The following FBXO25 variants were observed in gnomAD, a reference collection of about 807,000 sequenced individuals.
FBXO25 encodes the protein F-box only protein 25.
In FBXO25, 45 loss-of-function variants were observed where a neutral mutation model predicts 51.9. That is an observed-to-expected ratio of 0.87 (90% CI 0.68 to 1.11). The LOEUF (loss-of-function observed/expected upper bound fraction) is 1.11. FBXO25 is among the 50% of genes most tolerant of loss of function. The pLI is 0.00. For synonymous variants in FBXO25, 199 were observed against 151.0 expected (o/e 1.32, Z -2.33); for missense variants, 507 against 428.5 (o/e 1.18, Z -1.62).
chr8:451,031 A>G (rs1287327426), intron 6 of FBXO25: 1 of 386,412 alleles, frequency 2.6e-6, no homozygotes, highest in Non-Finnish European at 4.6e-6. Flanking sequence ...GGAGATATAT[A>G]TTTGTCCTTT....
intron 9 of FBXO25, among the ~76,000 whole-genome samples, chr8:465,090 CAGT>C (rs759381520): frequency 2.4e-4 from 37 of 152,236 alleles, no homozygotes; most frequent in Middle Eastern, 3.4e-3. Context: ...GAGTTGTCTG[CAGT>C]AGAAGCCACA....
chr8:451,547 T>G (rs1280828291), intron 7 of FBXO25, 94 bp downstream of exon 7: 3 of 1,187,884 alleles, frequency 2.5e-6, no homozygotes, highest in Non-Finnish European at 3.6e-6. Flanking sequence ...CTATAGCTTT[T>G]TGAAAGATTT....
chr8:413,079 T>G lies in FBXO25; in HGVS notation c.-1T>G. 1 of 1,514,094 alleles carries G rather than the reference T, an allele frequency of 6.6e-7. No individual in the cohort carries two copies. The highest frequency in any genetic ancestry group is 8.8e-7 in the Non-Finnish European group (1 of 1,135,306). 93.8% of individuals were successfully genotyped at this position (1,514,094 alleles called of 1,614,324 possible). Reference sequence around the variant, plus strand: ...TAATTTAACTTTTTCATAGGAGAACTATGCCATTTTTGGGTCAGGACTGGA... The same window carrying G: ...TAATTTAACTTTTTCATAGGAGAACGATGCCATTTTTGGGTCAGGACTGGA... On this transcript the variant is annotated 5_prime_UTR_variant, in exon 2 of 10. Coordinates refer to ENST00000350302, the MANE Select transcript of FBXO25 (RefSeq NM_183420.2).
chr8:443,909 G>A (rs1798580953), intron 5 of FBXO25, among the ~76,000 whole-genome samples: 1 of 152,186 alleles, frequency 6.6e-6, no homozygotes, highest in Non-Finnish European at 1.5e-5. Context: ...CAGCACACAG[G>A]CTAGCTGGGA....
chr8:474,831 T>A lies in FBXO25; in HGVS notation c.*6027T>A. The A allele has an allele frequency of 2.3e-6, 1 of 436,626 alleles. No homozygotes were observed. The highest frequency in any genetic ancestry group is 1.7e-5 in the South Asian group (1 of 60,256). The allele number at this position is 436,626 out of a possible 1,614,324, so 27.0% of individuals were successfully genotyped here. On this transcript the variant is annotated 3_prime_UTR_variant, in exon 10 of 10. Coordinates refer to ENST00000350302, the MANE Select transcript of FBXO25 (RefSeq NM_183420.2). Reference sequence around the variant, plus strand: ...GTTTTGTTCTTTGATGTACAGAAGTTGTTTCTTTCTTTTAGTTACCTGTGT... The same window carrying A: ...GTTTTGTTCTTTGATGTACAGAAGTAGTTTCTTTCTTTTAGTTACCTGTGT...
chr8:477,168 T>C lies in FBXO25; in HGVS notation c.*8364T>C, dbSNP rs1001592998. ...AAAGATATTTTATTTCCTCAGTCTT[T>C]TGAAATTTGTTGACTTGTTTAGTCA... On this transcript the variant is annotated 3_prime_UTR_variant, in exon 10 of 10. Coordinates refer to ENST00000350302, the MANE Select transcript of FBXO25 (RefSeq NM_183420.2). The C allele has an allele frequency of 6.6e-6, 1 of 152,232 alleles. No individual in the cohort carries two copies. The highest frequency in any genetic ancestry group is 1.5e-5 in the Non-Finnish European group (1 of 68,038). The allele number at this position is 152,232 out of a possible 1,614,324, so 9.4% of individuals were successfully genotyped here. A position where few individuals can be genotyped will look rare whatever the true frequency, so the allele number is the denominator to read the frequency against.
In FBXO25 at chr8:475,100, T is replaced by G. The variant is rs1800603060; in HGVS notation, c.*6296T>G. The G allele has an allele frequency of 1.6e-4, 60 of 369,582 alleles. 1 individual carries two copies. Among genetic ancestry groups the G allele is most frequent in the South Asian group, 1.3e-3 (59 of 46,862 alleles). 22.9% of individuals were successfully genotyped at this position (369,582 alleles called of 1,614,324 possible). A position where few individuals can be genotyped will look rare whatever the true frequency, so the allele number is the denominator to read the frequency against. On this transcript the variant is annotated 3_prime_UTR_variant, in exon 10 of 10. Transcript: ENST00000350302. ...TCCTAAATGTTTTAGTTTTAGCTCT[T>G]AGTTTAGGCCTTTGATCTATTTTAA...
intron 1 of FBXO25, among the ~76,000 whole-genome samples, 178 bp downstream of exon 1, chr8:407,244 G>C (rs1267919911): frequency 1.3e-5 from 2 of 150,660 alleles, no homozygotes; most frequent in African/African-American, 4.9e-5. Context: ...GCGTCAGGTG[G>C]GGACGGGGCC....
At chr8:409,078 A>G (rs890130800) in intron 1 of FBXO25, among the ~76,000 whole-genome samples, 2 of 152,150 alleles carry the variant, frequency 1.3e-5, no homozygotes, top group Admixed American at 6.5e-5. Context: ...CTTTAGTAGC[A>G]TTGTTTTCTG....
chr8:433,051 G>A (rs1797908584), intron 4 of FBXO25, 116 bp downstream of exon 4: 1 of 1,240,752 alleles, frequency 8.1e-7, no homozygotes. Context: ...TGCAATATCA[G>A]ATCTATGGTT....
intron 5 of FBXO25, among the ~76,000 whole-genome samples, chr8:449,092 G>T (rs1287562626): frequency 6.6e-6 from 1 of 150,920 alleles, no homozygotes; most frequent in Non-Finnish European, 1.5e-5. Flanking sequence ...AAAAGTAAAA[G>T]ATTTCAGATT....
rs997379019 is a variant in FBXO25 at position 472,209 on chromosome 8, A to G, written c.*3405A>G. ...GATGTTAACCCTGGGTTTTCCATAC[A>G]TACCCTCTATTAGGTTGGGGAGGTT... is the stretch of plus-strand genomic sequence containing the variant. On this transcript the variant is annotated 3_prime_UTR_variant, in exon 10 of 10. Coordinates refer to ENST00000350302, the MANE Select transcript of FBXO25 (RefSeq NM_183420.2). 5 of 152,210 alleles carry G rather than the reference A, an allele frequency of 3.3e-5. No individual in the cohort carries two copies. Among genetic ancestry groups the G allele is most frequent in the African/African-American group, 4.8e-5 (2 of 41,448 alleles). 9.4% of individuals were successfully genotyped at this position (152,210 alleles called of 1,614,324 possible). A position where few individuals can be genotyped will look rare whatever the true frequency, so the allele number is the denominator to read the frequency against.
Position 435,682 on chromosome 8 carries a change from T to A in FBXO25, c.356T>A (p.Ile119Asn), listed in dbSNP as rs754328792. ...RLDFSSAIQD[I>N]RRFNYVVKLL... ...GACTTCTCAAGTGCAATTCAAGATA[T>A]CCGAAGGTTCAATTATGTGGTCAAA... is the stretch of plus-strand genomic sequence containing the variant. Residue 119 changes from isoleucine to asparagine, a missense_variant, in exon 5 of 10, where the codon ATC (isoleucine) becomes AAC (asparagine). Transcript: ENST00000350302. 7 of 1,597,714 alleles carry A rather than the reference T, an allele frequency of 4.4e-6. No individual in the cohort carries two copies. Among genetic ancestry groups the A allele is most frequent in the Non-Finnish European group, 3.4e-6 (4 of 1,175,100 alleles).
At chr8:439,279 C>T (rs1008827087) in intron 5 of FBXO25, among the ~76,000 whole-genome samples, 2 of 152,210 alleles carry the variant, frequency 1.3e-5, no homozygotes, top group African/African-American at 4.8e-5. Context: ...TTCTGACAGC[C>T]AGGCACGAAC....
chr8:429,049 A>G lies in FBXO25; in HGVS notation c.135-2292A>G, dbSNP rs1203580194. ...TTCTCTGCTTTCAGTTCTTTTGAAT[A>G]TATACCCAGAAGTGGAATTGTTGGA... On this transcript the variant is annotated intron_variant, in intron 2 of 9. Transcript: ENST00000350302. Among the ~76,000 whole-genome samples the G allele has an allele frequency of 3.3e-5, 4 of 122,432 alleles. No homozygotes were observed. In the South Asian group the frequency reaches 6.7e-4, roughly 20 times the overall value. 80.3% of individuals were successfully genotyped at this position (122,432 alleles called of 152,430 possible).
rs1277795988 is a variant in FBXO25, at chr8:471,681, C to T, written c.*2877C>T. ...GTCTCTTGACACCCAGTTACAACTT[C>T]CTTTTGCCTATTTTGAGTCAAAAAG... On this transcript the variant is annotated 3_prime_UTR_variant, in exon 10 of 10. Coordinates refer to ENST00000350302, the MANE Select transcript of FBXO25 (RefSeq NM_183420.2). The T allele has an allele frequency of 2.0e-5, 3 of 152,214 alleles. No homozygotes were observed. Among genetic ancestry groups the T allele is most frequent in the South Asian group, 2.1e-4 (1 of 4,832 alleles). 9.4% of individuals were successfully genotyped at this position (152,214 alleles called of 1,614,324 possible).
chr8:429,104 G>A (rs1408228615), intron 2 of FBXO25, among the ~76,000 whole-genome samples: 5 of 152,020 alleles, frequency 3.3e-5, no homozygotes, highest in African/African-American at 1.2e-4. Flanking sequence ...TTAATTTTTT[G>A]AAGAACCTCC....
At chr8:452,726 C>G (rs150543750) in intron 7 of FBXO25, among the ~76,000 whole-genome samples, 1 of 152,200 alleles carries the variant, frequency 6.6e-6, no homozygotes, top group African/African-American at 2.4e-5. Flanking sequence ...GGATTAGTGG[C>G]TCTGCATTCT....
At chr8:413,037 A>G (rs764705522) in intron 1 of FBXO25, 36 bp from the exon 2 acceptor site, 47 of 1,424,058 alleles carry the variant, frequency 3.3e-5, no homozygotes, top group Non-Finnish European at 4.3e-5. Context: ...TTTATGAATT[A>G]TATATACTTT....
Sources: allele counts gnomAD v4.1 joint callset (sites outside exome capture counted in the v4.1 genomes callset), GRCh38; gene constraint gnomAD v4.1.1; transcripts MANE v1.5; gene names NCBI Gene and HGNC (gene_info 2026-07-23, HGNC 2026-07-21).